Variants in CD72 observed in about 807,000 individuals in gnomAD.
The protein encoded by CD72 is CD72 molecule.
In CD72, 28 loss-of-function variants were observed where a neutral mutation model predicts 50.7. The ratio of observed to expected loss-of-function variants is 0.55; its 90% CI spans 0.41 to 0.76. The LOEUF (loss-of-function observed/expected upper bound fraction) is 0.76, where lower values mean the gene tolerates loss of function less well. CD72 is among the 30% of genes least tolerant of loss of function. CD72 has a pLI of 0.00. For missense variants in CD72, 403 were observed against 420.6 expected (o/e 0.96, Z 0.37); for synonymous variants, 176 against 171.2 (o/e 1.03, Z -0.22).
rs140740108 is a variant in CD72, at chr9:35,640,312, G to A, written n.408+6091C>T. ...TTCCCATGACCCTGTTAGTGTTACC[G>A]TGGGTCTTTGCTCACAGAGCTCCCA... On this transcript the variant is annotated intron_variant and non_coding_transcript_variant, in intron 1 of 3. Transcript: ENST00000465754. Among the ~76,000 whole-genome samples, 1,016 of 152,310 alleles carry A rather than the reference G, an allele frequency of 6.7e-3. 6 individuals are homozygous for A. Among genetic ancestry groups the A allele is most frequent in the Non-Finnish European group, 0.012 (829 of 68,024 alleles).
At chr9:35,639,938 C>T (rs1443949259) in intron 1 of CD72, among the ~76,000 whole-genome samples, 1 of 152,134 alleles carries the variant, frequency 6.6e-6, no homozygotes, top group Non-Finnish European at 1.5e-5. Context: ...GGAAAAAATA[C>T]ATAGAAATTG....
chr9:35,640,707 G>A lies in CD72; in HGVS notation n.408+5696C>T, dbSNP rs1823332772. Among the ~76,000 whole-genome samples the A allele has an allele frequency of 2.0e-5, 3 of 152,204 alleles. No individual in the cohort carries two copies. The South Asian group carries it at 6.2e-4, about 31-fold the overall frequency. ...CAGTGGCAAACAGCAGTGGTGGACG[G>A]GGAGCGAAAGCTCAGCTCGAGCCGT... On this transcript the variant is annotated intron_variant and non_coding_transcript_variant, in intron 1 of 3. Transcript: ENST00000465754.
intron 1 of CD72, among the ~76,000 whole-genome samples, chr9:35,626,789 T>C (rs1308226204): frequency 6.6e-6 from 1 of 152,202 alleles, no homozygotes; most frequent in Non-Finnish European, 1.5e-5. Flanking sequence ...TTAATTAAGG[T>C]ATTACATTGT....
chr9:35,642,288 C>A (rs1389661068), intron 1 of CD72, among the ~76,000 whole-genome samples: 2 of 152,224 alleles, frequency 1.3e-5, no homozygotes, highest in Non-Finnish European at 2.9e-5. Flanking sequence ...CACAAGTGCA[C>A]AGTCGCAGCA....
At chr9:35,626,885 A>G (rs1282790641) in intron 1 of CD72, among the ~76,000 whole-genome samples, 1 of 151,154 alleles carries the variant, frequency 6.6e-6, no homozygotes. Flanking sequence ...GGAGTCTCGC[A>G]CTGTCTCCCA....
chr9:35,620,857 G>A (rs547292509), upstream of CD72, among the ~76,000 whole-genome samples: 1 of 152,274 alleles, frequency 6.6e-6, no homozygotes, highest in Admixed American at 6.5e-5. Flanking sequence ...TCCCCAGATG[G>A]AACTGCACAC....
At chr9:35,618,903 C>T (rs1032802838), upstream of CD72, 13 of 482,004 alleles carry the variant, frequency 2.7e-5, no homozygotes, top group African/African-American at 6.1e-5. Context: ...GCCATGGCTG[C>T]AGCACCTCTG....
intron 5 of CD72, among the ~76,000 whole-genome samples, chr9:35,615,344 A>G (rs1377965922): frequency 2.0e-5 from 3 of 152,130 alleles, no homozygotes; most frequent in African/African-American, 7.2e-5. Context: ...CTGTTTTGAT[A>G]CAGCCTTGCC....
At chr9:35,638,695 A>T (rs10972535) in intron 1 of CD72, among the ~76,000 whole-genome samples, 1 of 150,424 alleles carries the variant, frequency 6.6e-6, no homozygotes, top group African/African-American at 2.4e-5. Context: ...CCAGATGAAC[A>T]GGAAAGAGTT....
chr9:35,639,192 T>A (rs1316438914), intron 1 of CD72, among the ~76,000 whole-genome samples: 1 of 152,054 alleles, frequency 6.6e-6, no homozygotes, highest in Admixed American at 6.6e-5. Context: ...CTAAGTAAAT[T>A]TTTTTTCCCT....
At chr9:35,612,158 G>A (rs1323071239) in intron 6 of CD72, among the ~76,000 whole-genome samples, 1 of 152,180 alleles carries the variant, frequency 6.6e-6, no homozygotes, top group Non-Finnish European at 1.5e-5. Context: ...TCTGTGTGCT[G>A]TTCTGGCCCC....
chr9:35,624,641 C>A (rs1823178632), intron 1 of CD72, among the ~76,000 whole-genome samples: 1 of 151,944 alleles, frequency 6.6e-6, no homozygotes. Context: ...TTTTATTGCA[C>A]TTCACTTATT....
intron 1 of CD72, chr9:35,642,824 G>T (rs191571207): frequency 3.3e-5 from 5 of 152,158 alleles, no homozygotes; most frequent in African/African-American, 9.6e-5. Flanking sequence ...GTTGCTTTTG[G>T]GTTGCCGCCT....
chr9:35,619,951 C>G (rs909008475), upstream of CD72, among the ~76,000 whole-genome samples: 7 of 151,590 alleles, frequency 4.6e-5, no homozygotes. Flanking sequence ...AAGTTTCCAA[C>G]AACCTAGACC....
chr9:35,612,971 C>T lies in CD72; in HGVS notation c.711G>A (p.Trp237Ter). The change falls in exon 6 of 9, where the codon TGG becomes TGA. Residue 237 changes from tryptophan to a stop codon, truncating the protein, a stop_gained. Transcript: ENST00000259633. LOFTEE classifies it high-confidence loss of function. ...AAAAGCAGCTTTTCTGATGCATTATCCATCCCGACGGACAGCAGGTGTCTA... is the reference window on the plus strand; with the variant it reads ...AAAAGCAGCTTTTCTGATGCATTATTCATCCCGACGGACAGCAGGTGTCTA... ...GSADTCCPSG[W>*]IMHQKSCFYI... The T allele has an allele frequency of 6.2e-7, 1 of 1,612,766 alleles. No homozygotes were observed. The highest frequency in any genetic ancestry group is 1.7e-5 in the Admixed American group (1 of 59,910).
At chr9:35,619,402 AT>A (rs143106657), upstream of CD72, 5,416 of 152,234 alleles carry the variant, frequency 0.036, 99 homozygotes, top group Non-Finnish European at 0.044. Flanking sequence ...CTAGAACAAG[AT>A]GTAGTGTGGG....
chr9:35,628,027 G>T (rs1039510208), intron 1 of CD72, among the ~76,000 whole-genome samples: 6 of 152,018 alleles, frequency 3.9e-5, no homozygotes, highest in Non-Finnish European at 8.8e-5. Context: ...TAGAGACAAG[G>T]TTTCGCTATG....
At chr9:35,645,194 C>T (rs769156892) in intron 1 of CD72, among the ~76,000 whole-genome samples, 31 of 125,774 alleles carry the variant, frequency 2.5e-4, no homozygotes, top group African/African-American at 7.8e-4. Context: ...AGCGAAACTC[C>T]GTCTCAAAAA....
intron 1 of CD72, among the ~76,000 whole-genome samples, chr9:35,642,136 G>A (rs1823346078): frequency 6.6e-6 from 1 of 152,172 alleles, no homozygotes; most frequent in Non-Finnish European, 1.5e-5. Flanking sequence ...ACTTCCATCA[G>A]TATACAAGTT....
Sources: allele counts gnomAD v4.1 joint callset (sites outside exome capture counted in the v4.1 genomes callset), GRCh38; gene constraint gnomAD v4.1.1; transcripts MANE v1.5; gene names NCBI Gene and HGNC (gene_info 2026-07-23, HGNC 2026-07-21).